CACNA2D3: variants seen among roughly 807,000 people sequenced by gnomAD.
The protein encoded by CACNA2D3 is calcium voltage-gated channel auxiliary subunit alpha2delta 3.
CACNA2D3 carries 60 observed loss-of-function variants against 160.6 expected under a neutral mutation model. That is an observed-to-expected ratio of 0.37 (90% confidence interval 0.30 to 0.46). CACNA2D3 has a LOEUF of 0.46. Ranked by LOEUF, CACNA2D3 falls within the 20% of genes least tolerant of loss-of-function variation. The pLI is 1.00. For synonymous variants in CACNA2D3, 558 were observed against 492.9 expected (o/e 1.13, Z -1.75); for missense variants, 1,205 against 1,365.0 (o/e 0.88, Z 1.85).
intron 31 of CACNA2D3, among the ~76,000 whole-genome samples, chr3:54,992,265 C>A (rs1462157862): frequency 6.6e-6 from 1 of 152,152 alleles, no homozygotes; most frequent in East Asian, 1.9e-4. Flanking sequence ...TTAGGAGTCA[C>A]CTGATCTTTG....
intron 2 of CACNA2D3, among the ~76,000 whole-genome samples, chr3:54,249,895 A>G (rs1450501298): frequency 6.6e-6 from 1 of 152,138 alleles, no homozygotes; most frequent in East Asian, 1.9e-4. Flanking sequence ...CAATTATGCC[A>G]TGATGAAACT....
At chr3:55,041,494 A>G (rs1031416312) in intron 35 of CACNA2D3, among the ~76,000 whole-genome samples, 1 of 152,170 alleles carries the variant, frequency 6.6e-6, no homozygotes, top group Non-Finnish European at 1.5e-5. Context: ...TTGTAGTTCC[A>G]ATTTTCATTT....
intron 11 of CACNA2D3, 22 bp from the exon 12 acceptor site, chr3:54,752,577 C>G (rs1047438523): frequency 1.9e-6 from 3 of 1,591,518 alleles, no homozygotes; most frequent in Non-Finnish European, 2.6e-6. Context: ...GCCGCTCAGC[C>G]ATGCGTTTGT....
At chr3:54,699,879 G>C (rs1700734706) in intron 11 of CACNA2D3, among the ~76,000 whole-genome samples, 1 of 152,074 alleles carries the variant, frequency 6.6e-6, no homozygotes, top group South Asian at 2.1e-4. Context: ...GTGCTTACTG[G>C]ACAGTTTATA....
At chr3:54,604,821 A>G (rs1029497409) in intron 9 of CACNA2D3, among the ~76,000 whole-genome samples, 3 of 152,182 alleles carry the variant, frequency 2.0e-5, no homozygotes, top group African/African-American at 7.2e-5. Context: ...TGCCTTGTTA[A>G]CATAAACATC....
intron 2 of CACNA2D3, among the ~76,000 whole-genome samples, chr3:54,305,345 A>C (rs181574776): frequency 9.2e-5 from 14 of 152,356 alleles, no homozygotes; most frequent in Admixed American, 5.2e-4. Context: ...CCCCGGCCTG[A>C]AATAAAATTG....
At chr3:54,681,148 A>G (rs895717288) in intron 11 of CACNA2D3, among the ~76,000 whole-genome samples, 2 of 151,822 alleles carry the variant, frequency 1.3e-5, no homozygotes, top group African/African-American at 4.8e-5. Flanking sequence ...ACAGAGAGAG[A>G]AGAGAGAGAA....
Position 54,551,989 on chromosome 3 carries a change from C to G in CACNA2D3, c.545-10811C>G, listed in dbSNP as rs1220396023. Among the ~76,000 whole-genome samples, 11 of 152,332 alleles carry G rather than the reference C, an allele frequency of 7.2e-5. 1 individual carries two copies. In the South Asian group the frequency reaches 2.1e-3, roughly 29 times the overall value. On this transcript the variant is annotated intron_variant, in intron 5 of 37. Coordinates refer to ENST00000474759, the MANE Select transcript of CACNA2D3 (RefSeq NM_018398.3). Reference sequence around the variant, plus strand: ...GGTGTTTTAAATTAGTGAATATTAGCTTAACTACAGCCAATCAAATGCCAT... The same window carrying G: ...GGTGTTTTAAATTAGTGAATATTAGGTTAACTACAGCCAATCAAATGCCAT...
intron 4 of CACNA2D3, among the ~76,000 whole-genome samples, chr3:54,389,464 A>G (rs1032949200): frequency 1.3e-5 from 2 of 152,228 alleles, no homozygotes; most frequent in African/African-American, 2.4e-5. Context: ...TATAGTCTCA[A>G]ACTATTTGCC....
chr3:54,882,017 C>G (rs1031237358), intron 21 of CACNA2D3, among the ~76,000 whole-genome samples: 1 of 152,198 alleles, frequency 6.6e-6, no homozygotes, highest in East Asian at 1.9e-4. Flanking sequence ...GAGAGGCTCA[C>G]TGTGAGCTGG....
chr3:54,179,047 T>G (rs561955720), intron 2 of CACNA2D3, among the ~76,000 whole-genome samples: 1 of 152,196 alleles, frequency 6.6e-6, no homozygotes, highest in African/African-American at 2.4e-5. Flanking sequence ...CCGTCAACCT[T>G]TTTGGGAGGA....
At chr3:54,263,498 G>A (rs1702441580) in intron 2 of CACNA2D3, among the ~76,000 whole-genome samples, 1 of 150,554 alleles carries the variant, frequency 6.6e-6, no homozygotes, top group African/African-American at 2.5e-5. Flanking sequence ...CACACAGTGA[G>A]GAAGTGATGC....
rs989324397 is a variant in CACNA2D3 at position 54,752,479 on chromosome 3, T to A, written c.1168-120T>A. On this transcript the variant is annotated intron_variant, in intron 11 of 37. Transcript: ENST00000474759. ...ACTTCAGATGTCTTAAATATGTTCC[T>A]GCAGATGGGAAGCATGGAGCATTAA... 9 of 678,200 alleles carry A rather than the reference T, an allele frequency of 1.3e-5. No individual in the cohort carries two copies. In the African/African-American group the frequency reaches 1.4e-4, roughly 11 times the overall value. 42.0% of individuals were successfully genotyped at this position (678,200 alleles called of 1,614,324 possible). A position where few individuals can be genotyped will look rare whatever the true frequency, so the allele number is the denominator to read the frequency against.
chr3:54,283,284 T>TA (rs536365419), intron 2 of CACNA2D3, among the ~76,000 whole-genome samples: 260 of 152,290 alleles, frequency 1.7e-3, no homozygotes, highest in South Asian at 6.0e-3. Flanking sequence ...TGCCCTGGGG[T>TA]AAAATCCCTG....
intron 4 of CACNA2D3, among the ~76,000 whole-genome samples, chr3:54,452,270 A>G (rs985417691): frequency 1.3e-5 from 2 of 151,868 alleles, no homozygotes; most frequent in African/African-American, 4.8e-5. Flanking sequence ...GTGCAGGGGA[A>G]CTCCCATTTA....
intron 2 of CACNA2D3, among the ~76,000 whole-genome samples, chr3:54,293,838 G>A (rs1360795861): frequency 6.6e-6 from 1 of 152,128 alleles, no homozygotes; most frequent in African/African-American, 2.4e-5. Context: ...GAATTTTCTG[G>A]AGTGATGAAA....
At chr3:54,349,600 T>G (rs1698516466) in intron 3 of CACNA2D3, among the ~76,000 whole-genome samples, 1 of 152,212 alleles carries the variant, frequency 6.6e-6, no homozygotes, top group Admixed American at 6.5e-5. Flanking sequence ...CATTATTTGC[T>G]TCCTTATCTA....
intron 4 of CACNA2D3, among the ~76,000 whole-genome samples, chr3:54,407,395 A>G (rs993774148): frequency 2.0e-5 from 3 of 152,150 alleles, no homozygotes; most frequent in African/African-American, 4.8e-5. Context: ...AAGCATGCCT[A>G]TTGCTTTTGT....
intron 13 of CACNA2D3, among the ~76,000 whole-genome samples, chr3:54,811,123 G>C (rs756692560): frequency 2.6e-5 from 4 of 152,078 alleles, no homozygotes; most frequent in Non-Finnish European, 4.4e-5. Context: ...CCTCCTCCCG[G>C]GACATGAGCT....
Sources: gnomAD v4.1 joint callset for allele counts (sites outside exome capture counted in the v4.1 genomes callset) on GRCh38, gnomAD v4.1.1 for gene constraint, MANE v1.5 for transcripts, NCBI Gene and HGNC (gene_info 2026-07-23, HGNC 2026-07-21) for gene names.